RDX: variants seen among roughly 807,000 people sequenced by gnomAD.
RDX encodes the protein deafness, autosomal recessive 24.
Under a neutral mutation model 83.7 loss-of-function variants are expected in RDX, and 32 were observed. That is an observed-to-expected ratio of 0.38 (90% confidence interval 0.29 to 0.51). The LOEUF (loss-of-function observed/expected upper bound fraction) is 0.51. Ranked by LOEUF, RDX falls within the 20% of genes least tolerant of loss-of-function variation. The probability of loss-of-function intolerance (pLI) is 0.87; values close to 1 mark genes in which losing one functional copy is unlikely to be tolerated. For synonymous variants in RDX, 229 were observed against 222.7 expected, an observed-to-expected ratio of 1.03 and a Z score of -0.25; for missense variants, 600 against 689.9, an observed-to-expected ratio of 0.87 and a Z score of 1.46.
intron 15 of RDX, among the ~76,000 whole-genome samples, chr11:110,181,379 G>C (rs1220092606): frequency 6.6e-6 from 1 of 152,182 alleles, no homozygotes; most frequent in Non-Finnish European, 1.5e-5. Context: ...GGCCAGGCTG[G>C]TCTTGATCTC....
intron 15 of RDX, among the ~76,000 whole-genome samples, chr11:110,192,854 CAA>C (rs59034419): frequency 6.8e-6 from 1 of 147,028 alleles, no homozygotes. Flanking sequence ...ATTGAAAAGT[CAA>C]AAAAAAAAAC....
chr11:110,187,379 C>T lies in RDX; in HGVS notation c.*32-12145G>A, dbSNP rs141315720. On this transcript the variant is annotated intron_variant, in intron 15 of 15. Transcript: ENST00000528498. Reference sequence around the variant, plus strand: ...TGTATGGAGTTTGTGGTGCAGGAGGCGCTCTCTTTGCTTCATGCCCAGGCA... The same window carrying T: ...TGTATGGAGTTTGTGGTGCAGGAGGTGCTCTCTTTGCTTCATGCCCAGGCA... Among the ~76,000 whole-genome samples, 373 of 152,294 alleles carry T rather than the reference C, an allele frequency of 2.4e-3. 2 individuals are homozygous for T. The highest frequency in any genetic ancestry group is 8.5e-3 in the African/African-American group (353 of 41,550).
intron 1 of RDX, among the ~76,000 whole-genome samples, chr11:110,284,319 C>T (rs191205091): frequency 6.6e-6 from 1 of 152,284 alleles, no homozygotes; most frequent in Admixed American, 6.5e-5. Context: ...TTCACAGCAG[C>T]ATTCTTTACA....
At chr11:110,218,701 G>A (rs1471082997) in intron 14 of RDX, among the ~76,000 whole-genome samples, 1 of 152,166 alleles carries the variant, frequency 6.6e-6, no homozygotes, top group Non-Finnish European at 1.5e-5. Flanking sequence ...ATCCTTCTGT[G>A]ACTCGATATA....
At chr11:110,253,801 C>T (rs2134353885) in intron 9 of RDX, 145 bp downstream of exon 9, 2 of 726,164 alleles carry the variant, frequency 2.8e-6, no homozygotes, top group Admixed American at 2.3e-5. Flanking sequence ...TTTTAAAGGA[C>T]AGAGTGATAA....
chr11:110,280,776 G>A (rs370773844), intron 1 of RDX, among the ~76,000 whole-genome samples: 11 of 152,256 alleles, frequency 7.2e-5, no homozygotes, highest in Middle Eastern at 3.4e-3. Context: ...TGCAGTGAGC[G>A]GTGATCACAC....
At position 110,230,553 on chromosome 11, in the gene RDX, T is replaced by TTTCC. The variant is rs1565303607; in HGVS notation, c.*1315_*1316insGGAA. 4 of 106,634 alleles carry TTTCC rather than the reference T, an allele frequency of 3.8e-5. No individual in the cohort carries two copies. The highest frequency in any genetic ancestry group is 7.4e-5 in the Non-Finnish European group (4 of 53,962). The allele number at this position is 106,634 out of a possible 1,614,324, so 6.6% of individuals were successfully genotyped here. On this transcript the variant is annotated 3_prime_UTR_variant, in exon 14 of 14. Coordinates refer to ENST00000645495, the MANE Select transcript of RDX (RefSeq NM_002906.4). ...TTCTTCACATGCTACAAGGTTAGCA[T>TTTCC]TTCTCTCTCTCATACACACACAGAG...
At chr11:110,285,092 T>C (rs527804124) in intron 1 of RDX, among the ~76,000 whole-genome samples, 4 of 152,082 alleles carry the variant, frequency 2.6e-5, no homozygotes. Context: ...AATATTTATA[T>C]CAAGAGAATA....
chr11:110,183,510 G>C (rs1862928636), intron 15 of RDX, among the ~76,000 whole-genome samples: 1 of 152,188 alleles, frequency 6.6e-6, no homozygotes, highest in African/African-American at 2.4e-5. Context: ...TTTCTGTAGA[G>C]AAAGTGTCCC....
chr11:110,184,885 A>AC (rs1491253889), intron 15 of RDX, among the ~76,000 whole-genome samples: 1 of 152,232 alleles, frequency 6.6e-6, no homozygotes, highest in Non-Finnish European at 1.5e-5. Flanking sequence ...TCTACCTGTT[A>AC]GAGTTTGAGA....
At chr11:110,289,144 A>C (rs1861110996) in intron 1 of RDX, among the ~76,000 whole-genome samples, 1 of 150,718 alleles carries the variant, frequency 6.6e-6, no homozygotes, top group South Asian at 2.1e-4. Flanking sequence ...AAGCTGAGGC[A>C]GGAGAATCAC....
chr11:110,273,187 T>C (rs1244353080), intron 2 of RDX: 1 of 430,522 alleles, frequency 2.3e-6, no homozygotes, highest in Admixed American at 2.5e-5. Flanking sequence ...AACTTCAGCC[T>C]GCACAACAGA....
At position 110,230,685 on chromosome 11, in the gene RDX, G is replaced by T. The variant is rs532933098; in HGVS notation, c.*1184C>A. 4 of 152,440 alleles carry T rather than the reference G, an allele frequency of 2.6e-5. No individual in the cohort carries two copies. In the South Asian group the frequency reaches 8.3e-4, roughly 32 times the overall value. The allele number at this position is 152,440 out of a possible 1,614,324, so 9.4% of individuals were successfully genotyped here. ...CAGGATGATAGTATACCAGTGAGGA[G>T]CTTACAATTTTAATACAAATCAGAA... On this transcript the variant is annotated 3_prime_UTR_variant, in exon 14 of 14. Transcript: ENST00000645495.
chr11:110,266,896 G>C (rs1473852380), intron 3 of RDX, among the ~76,000 whole-genome samples: 2 of 44,190 alleles, frequency 4.5e-5, no homozygotes, highest in East Asian at 2.4e-3. Flanking sequence ...CCCTTGGTTT[G>C]TTTGTTTGTT....
At chr11:110,233,139 G>A (rs572514078) in intron 13 of RDX, 98 bp downstream of exon 13, 3 of 1,421,286 alleles carry the variant, frequency 2.1e-6, no homozygotes, top group African/African-American at 1.4e-5. Context: ...AGGGCAGCCA[G>A]TATTAAAACT....
chr11:110,219,428 C>T (rs1864170603), intron 14 of RDX, among the ~76,000 whole-genome samples: 1 of 152,196 alleles, frequency 6.6e-6, no homozygotes. Context: ...GCACAAGTGA[C>T]ATGGTCTGAC....
downstream of RDX, among the ~76,000 whole-genome samples, chr11:110,228,522 T>C (rs918322918): frequency 6.6e-6 from 1 of 152,080 alleles, no homozygotes; most frequent in African/African-American, 2.4e-5. Flanking sequence ...ATTAGTTCAG[T>C]ATGTTAATGC....
At chr11:110,284,074 C>G (rs765741947) in intron 1 of RDX, among the ~76,000 whole-genome samples, 8 of 152,058 alleles carry the variant, frequency 5.3e-5, no homozygotes, top group Non-Finnish European at 7.4e-5. Context: ...ATTAAACTAG[C>G]AAAATAAATA....
At chr11:110,211,948 T>C (rs2134257651) in intron 14 of RDX, among the ~76,000 whole-genome samples, 1 of 142,696 alleles carries the variant, frequency 7.0e-6, no homozygotes, top group East Asian at 2.1e-4. Context: ...AGCAAACACA[T>C]TCAAAAGCTA....
Sources: gnomAD v4.1 joint callset for allele counts (sites outside exome capture counted in the v4.1 genomes callset) on GRCh38, gnomAD v4.1.1 for gene constraint, MANE v1.5 for transcripts, NCBI Gene and HGNC (gene_info 2026-07-23, HGNC 2026-07-21) for gene names.